Variants in RALGPS2 observed in about 807,000 individuals in gnomAD.
RALGPS2 encodes the protein ras-specific guanine nucleotide-releasing factor RalGPS2.
A neutral mutation model predicts 86.8 loss-of-function variants in RALGPS2; 43 were observed. That is an observed-to-expected ratio of 0.50 (90% CI 0.39 to 0.64). RALGPS2 has a LOEUF of 0.64. Among genes scored for constraint, RALGPS2 ranks in the 30% least tolerant of loss-of-function variants. The pLI is 0.00. For synonymous variants in RALGPS2, 243 were observed against 231.3 expected (o/e 1.05, Z -0.46); for missense variants, 536 against 694.6 (o/e 0.77, Z 2.57).
At chr1:178,875,547 A>G (rs571329632) in intron 8 of RALGPS2, among the ~76,000 whole-genome samples, 1 of 152,176 alleles carries the variant, frequency 6.6e-6, no homozygotes, top group South Asian at 2.1e-4. Context: ...CAGGAGTTCG[A>G]GACCAGCCTG....
At chr1:178,792,889 A>T (rs1654023293) in intron 4 of RALGPS2, among the ~76,000 whole-genome samples, 1 of 152,156 alleles carries the variant, frequency 6.6e-6, no homozygotes, top group Admixed American at 6.5e-5. Flanking sequence ...ACCACTATTA[A>T]TATACCCTTG....
chr1:178,730,806 A>G (rs967814461), intron 1 of RALGPS2, among the ~76,000 whole-genome samples: 1 of 150,548 alleles, frequency 6.6e-6, no homozygotes, highest in Non-Finnish European at 1.5e-5. Flanking sequence ...GGTTTAAGCG[A>G]TTCTCCTGCC....
Position 178,764,609 on chromosome 1 carries a change from T to C in RALGPS2, c.-83-12073T>C, listed in dbSNP as rs141876822. ...ATAGTGGCCAGTAACTGTTTTTCCTTTCCATGTTTAGCACTCCCTTCAGGA... is the reference window on the plus strand; with the variant it reads ...ATAGTGGCCAGTAACTGTTTTTCCTCTCCATGTTTAGCACTCCCTTCAGGA... On this transcript the variant is annotated intron_variant, in intron 1 of 19. Transcript: ENST00000367635. Among the ~76,000 whole-genome samples, 474 of 152,338 alleles carry C rather than the reference T, an allele frequency of 3.1e-3. 1 individual carries two copies. Among genetic ancestry groups the C allele is most frequent in the Non-Finnish European group, 4.6e-3 (314 of 68,022 alleles).
rs1657512669 is a variant in RALGPS2, at chr1:178,855,983, T to C, written c.608-21515T>C. ...CTAATATAAGAACAAAAAAGTAATA[T>C]ATATAAGAACAAAATATATATATTA... is the stretch of plus-strand genomic sequence containing the variant. On this transcript the variant is annotated intron_variant, in intron 8 of 19. Transcript: ENST00000367635. 2.7e-5 allele frequency among the ~76,000 whole-genome samples: 4 copies of C among 148,690 alleles called. No individual in the cohort carries two copies. The South Asian group carries it at 6.3e-4, about 23-fold the overall frequency.
intron 8 of RALGPS2, among the ~76,000 whole-genome samples, chr1:178,872,519 A>C (rs1188960586): frequency 2.0e-5 from 3 of 152,228 alleles, no homozygotes; most frequent in Admixed American, 6.6e-5. Context: ...CAGTGTTGCC[A>C]GATCTTCCCA....
chr1:178,810,886 G>A (rs954691250), intron 5 of RALGPS2, among the ~76,000 whole-genome samples: 2 of 151,748 alleles, frequency 1.3e-5, no homozygotes, highest in African/African-American at 4.8e-5. Flanking sequence ...TGTATTACAT[G>A]GACATATTGT....
intron 8 of RALGPS2, among the ~76,000 whole-genome samples, chr1:178,876,012 A>T (rs1481220981): frequency 6.6e-6 from 1 of 152,180 alleles, no homozygotes; most frequent in African/African-American, 2.4e-5. Flanking sequence ...AAGAAAAAAA[A>T]GTATGATAGG....
intron 1 of RALGPS2, among the ~76,000 whole-genome samples, chr1:178,730,131 G>T (rs150357270): frequency 0.036 from 5,502 of 152,024 alleles, 122 homozygotes; most frequent in Middle Eastern, 0.058. Flanking sequence ...TAGTAGAGAC[G>T]GGTTTTCACC....
At chr1:178,765,219 G>A (rs1652439753) in intron 1 of RALGPS2, among the ~76,000 whole-genome samples, 1 of 151,402 alleles carries the variant, frequency 6.6e-6, no homozygotes, top group Admixed American at 6.6e-5. Flanking sequence ...CAGTGGTGCA[G>A]TATCGGGGGA....
chr1:178,776,076 A>G (rs1653068289), intron 1 of RALGPS2, among the ~76,000 whole-genome samples: 1 of 152,176 alleles, frequency 6.6e-6, no homozygotes, highest in Non-Finnish European at 1.5e-5. Flanking sequence ...AAAGTATACA[A>G]GAGGATGTGT....
rs772788767 is a variant in RALGPS2, at chr1:178,892,263, A to G, written c.1281A>G (p.Thr427=). The G allele has an allele frequency of 5.6e-6, 9 of 1,612,702 alleles. No homozygotes were observed. The highest frequency in any genetic ancestry group is 1.6e-4 in the Middle Eastern group (1 of 6,064). The change falls in exon 15 of 20, where the codon ACA becomes ACG. Residue 427 remains threonine (T), a synonymous_variant. Transcript: ENST00000367635. ...NRLYHSLGPV[T]RVARNGYRSH... Reference sequence around the variant, plus strand: ...TATACCATTCTCTCGGCCCGGTGACAAGAGTGGCACGAAATGGCTATCGAA... The same window carrying G: ...TATACCATTCTCTCGGCCCGGTGACGAGAGTGGCACGAAATGGCTATCGAA...
intron 1 of RALGPS2, among the ~76,000 whole-genome samples, chr1:178,773,813 T>C (rs1190981686): frequency 6.6e-6 from 1 of 151,846 alleles, no homozygotes; most frequent in African/African-American, 2.4e-5. Flanking sequence ...AAAAAAATAC[T>C]ATTGACATGT....
intron 5 of RALGPS2, among the ~76,000 whole-genome samples, chr1:178,811,104 C>G (rs1399749363): frequency 6.6e-6 from 1 of 151,182 alleles, no homozygotes; most frequent in Non-Finnish European, 1.5e-5. Context: ...CCAAGAAAAC[C>G]CTACTTGGGA....
At chr1:178,729,785 A>G (rs79164380) in intron 1 of RALGPS2, among the ~76,000 whole-genome samples, 5,516 of 152,318 alleles carry the variant, frequency 0.036, 123 homozygotes, top group Middle Eastern at 0.058. Context: ...CAAGCCAGGT[A>G]CTCAGATAAC....
chr1:178,821,565 T>C, intron 6 of RALGPS2, 47 bp from the exon 7 acceptor site: 1 of 1,426,222 alleles, frequency 7.0e-7, no homozygotes, highest in Non-Finnish European at 9.8e-7. Context: ...CTTGTATTCA[T>C]GTTGTTCTTT....
intron 5 of RALGPS2, among the ~76,000 whole-genome samples, chr1:178,808,929 C>T (rs536002450): frequency 2.6e-5 from 4 of 152,154 alleles, no homozygotes; most frequent in Non-Finnish European, 4.4e-5. Context: ...TACAGTGCTG[C>T]AGTCATAGCT....
chr1:178,741,342 C>A (rs540432683), intron 1 of RALGPS2, among the ~76,000 whole-genome samples: 1 of 152,162 alleles, frequency 6.6e-6, no homozygotes, highest in East Asian at 1.9e-4. Flanking sequence ...CAATATGTAA[C>A]GGGCAGAAAT....
intron 1 of RALGPS2, among the ~76,000 whole-genome samples, chr1:178,769,740 T>TC (rs2102084394): frequency 1.3e-5 from 2 of 152,212 alleles, no homozygotes; most frequent in South Asian, 4.1e-4. Flanking sequence ...GTAGCAGCTC[T>TC]CCCCACGCAT....
chr1:178,804,540 T>A lies in RALGPS2; in HGVS notation c.214-3505T>A, dbSNP rs1410684045. On this transcript the variant is annotated intron_variant, in intron 4 of 19. Transcript: ENST00000367635. ...AGAATATGCGGTGTTTGGTTTTTTG[T>A]TCTTGCGATAGTTTACTGAGAATGA... is the stretch of plus-strand genomic sequence containing the variant. 2.2e-5 allele frequency among the ~76,000 whole-genome samples: 3 copies of A among 137,784 alleles called. No individual in the cohort carries two copies. In the East Asian group the frequency reaches 6.5e-4, roughly 30 times the overall value. The allele number at this position is 137,784 out of a possible 152,430, so 90.4% of individuals were successfully genotyped here.
Sources: allele counts gnomAD v4.1 joint callset (sites outside exome capture counted in the v4.1 genomes callset), GRCh38; gene constraint gnomAD v4.1.1; transcripts MANE v1.5; gene names NCBI Gene and HGNC (gene_info 2026-07-23, HGNC 2026-07-21).